Variants in DERA observed in about 807,000 individuals in gnomAD.
DERA encodes the protein 2-deoxy-D-ribose 5-phosphate aldolase.
A neutral mutation model predicts 41.1 loss-of-function variants in DERA; 15 were observed. The observed-to-expected ratio is 0.37, with a 90% CI of 0.24 to 0.56. The LOEUF (loss-of-function observed/expected upper bound fraction) is 0.56. Ranked by LOEUF, DERA falls within the 20% of genes least tolerant of loss-of-function variation. The probability of loss-of-function intolerance (pLI) is 0.81; values close to 1 mark genes in which losing one functional copy is unlikely to be tolerated. For synonymous variants in DERA, 139 were observed against 137.4 expected (o/e 1.01, Z -0.08); for missense variants, 396 against 403.4 (o/e 0.98, Z 0.16).
rs1371628000 is a variant in DERA, at chr12:16,003,320, G to C, written c.637+20884G>C. On this transcript the variant is annotated intron_variant, in intron 6 of 8. Transcript: ENST00000428559. This position sits in a 1 kb window ranked among gnomAD's most constrained non-coding sequence, Gnocchi z 4.8. ...CCGTACTCCATTGCGACCTCATATT[G>C]ACTAATTATATCTGCAAGCACCCAG... Among the ~76,000 whole-genome samples, 1 of 152,134 alleles carries C rather than the reference G, an allele frequency of 6.6e-6. No individual in the cohort carries two copies. The highest frequency in any genetic ancestry group is 1.5e-5 in the Non-Finnish European group (1 of 68,038).
rs572187578 is a variant in DERA, at chr12:15,988,905, C to T, written c.637+6469C>T. ...GCCCAAAGTCCAGAGGGGGCCAAGG[C>T]GGTGGGAGGCTGGCGTGTCAGCGCT... On this transcript the variant is annotated intron_variant, in intron 6 of 8. Coordinates refer to ENST00000428559, the MANE Select transcript of DERA (RefSeq NM_015954.4). This position sits in a 1 kb window ranked among gnomAD's most constrained non-coding sequence, Gnocchi z 6.0. 1.8e-4 allele frequency among the ~76,000 whole-genome samples: 27 copies of T among 152,342 alleles called. 1 individual carries two copies. The highest frequency in any genetic ancestry group is 6.8e-3 in the Middle Eastern group (2 of 294).
rs563174831 is a variant in DERA, at chr12:16,031,675, G to A, written c.638-867G>A. The stretch of plus-strand genomic sequence containing the variant: ...GAACCTAGGTAAGTTTATTGGAGAC[G>A]CTGTGATGTATTGTTTAGGCTAGAT... On this transcript the variant is annotated intron_variant, in intron 6 of 8. Coordinates refer to ENST00000428559, the MANE Select transcript of DERA (RefSeq NM_015954.4). 1.1e-4 allele frequency among the ~76,000 whole-genome samples: 17 copies of A among 152,232 alleles called. No individual in the cohort carries two copies. The East Asian group carries it at 1.2e-3, about 10-fold the overall frequency.
At chr12:15,956,423 T>C (rs1171038856) in intron 1 of DERA, among the ~76,000 whole-genome samples, 5 of 152,242 alleles carry the variant, frequency 3.3e-5, no homozygotes, top group South Asian at 4.1e-4. Flanking sequence ...AAAATTTTTC[T>C]TTGAAGAAAG....
chr12:15,960,647 A>AC (rs1487149186), intron 4 of DERA, among the ~76,000 whole-genome samples: 6 of 148,822 alleles, frequency 4.0e-5, no homozygotes, highest in Non-Finnish European at 7.4e-5. Flanking sequence ...AAAAAAAAAA[A>AC]AAAAAAAAAA....
chr12:16,024,594 A>T (rs1448963049), intron 6 of DERA, among the ~76,000 whole-genome samples: 3 of 152,182 alleles, frequency 2.0e-5, no homozygotes, highest in Non-Finnish European at 4.4e-5. Flanking sequence ...ACAAACAAAA[A>T]CTGAAGTAAT....
chr12:15,947,617 G>T (rs1310486061), intron 1 of DERA, among the ~76,000 whole-genome samples: 1 of 152,092 alleles, frequency 6.6e-6, no homozygotes, highest in East Asian at 1.9e-4. Context: ...CATGTGAGAT[G>T]GGTCTCCTGA....
rs1948953402 is a variant in DERA, at chr12:16,012,564, G to C, written c.638-19978G>C. On this transcript the variant is annotated intron_variant, in intron 6 of 8. Transcript: ENST00000428559. The surrounding 1 kb of genome is among the most constrained non-coding windows in gnomAD (Gnocchi z 4.1). ...TGAAATATTCAAATTTGGGAGCAGA[G>C]CCGAGTTGTTTAGACAAGAGAGAAT... is the stretch of plus-strand genomic sequence containing the variant. Among the ~76,000 whole-genome samples the C allele has an allele frequency of 6.6e-6, 1 of 152,180 alleles. No individual in the cohort carries two copies.
Position 15,990,110 on chromosome 12 carries a change from C to T in DERA, c.637+7674C>T, listed in dbSNP as rs924707872. On this transcript the variant is annotated intron_variant, in intron 6 of 8. Transcript: ENST00000428559. This position sits in a 1 kb window ranked among gnomAD's most constrained non-coding sequence, Gnocchi z 4.3. The stretch of plus-strand genomic sequence containing the variant: ...TAGTATACCTTCCTTCTCCATCCTA[C>T]GTCAATAAGAAAGGAAACATAATGA... 3.3e-5 allele frequency among the ~76,000 whole-genome samples: 5 copies of T among 152,098 alleles called. No homozygotes were observed. The highest frequency in any genetic ancestry group is 1.9e-4 in the East Asian group (1 of 5,194).
Position 16,026,196 on chromosome 12 carries a change from A to G in DERA, c.638-6346A>G, listed in dbSNP as rs967994002. 2.0e-5 allele frequency among the ~76,000 whole-genome samples: 3 copies of G among 152,064 alleles called. No homozygotes were observed. The highest frequency in any genetic ancestry group is 1.3e-4 in the Admixed American group (2 of 15,272). On this transcript the variant is annotated intron_variant, in intron 6 of 8. Coordinates refer to ENST00000428559, the MANE Select transcript of DERA (RefSeq NM_015954.4). The surrounding 1 kb of genome is among the most constrained non-coding windows in gnomAD (Gnocchi z 4.4). ...AATAGAAATGAGAACAGAAATGATG[A>G]AATTGAAAACAAAAACAACAGAGAA...
At chr12:15,932,620 A>G (rs529144938) in intron 1 of DERA, among the ~76,000 whole-genome samples, 2 of 152,082 alleles carry the variant, frequency 1.3e-5, no homozygotes, top group East Asian at 3.9e-4. Context: ...CTTCAGCCTG[A>G]GTAACAGTGA....
chr12:15,921,011 C>A lies in DERA; in HGVS notation c.31+9597C>A, dbSNP rs748720605. 2.6e-5 allele frequency among the ~76,000 whole-genome samples: 4 copies of A among 152,092 alleles called. No individual in the cohort carries two copies. Among genetic ancestry groups the A allele is most frequent in the African/African-American group, 9.7e-5 (4 of 41,412 alleles). On this transcript the variant is annotated intron_variant, in intron 1 of 8. Coordinates refer to ENST00000428559, the MANE Select transcript of DERA (RefSeq NM_015954.4). The surrounding 1 kb of genome is among the most constrained non-coding windows in gnomAD (Gnocchi z 5.3). ...TTCAGATTCAGAGAATCTTTAATTACGAGCTATTGTTTTTTTGATAAATCT... is the reference window on the plus strand; with the variant it reads ...TTCAGATTCAGAGAATCTTTAATTAAGAGCTATTGTTTTTTTGATAAATCT...
chr12:16,000,702 G>A lies in DERA; in HGVS notation c.637+18266G>A, dbSNP rs1268746993. On this transcript the variant is annotated intron_variant, in intron 6 of 8. Transcript: ENST00000428559. This position sits in a 1 kb window ranked among gnomAD's most constrained non-coding sequence, Gnocchi z 4.8. Reference sequence around the variant, plus strand: ...CACACAAAGCCAGCAAAGGCTGTTTGTAGAACGTTAGCTGCTATCACACTG... The same window carrying A: ...CACACAAAGCCAGCAAAGGCTGTTTATAGAACGTTAGCTGCTATCACACTG... 7.9e-5 allele frequency among the ~76,000 whole-genome samples: 12 copies of A among 152,220 alleles called. No individual in the cohort carries two copies. Among genetic ancestry groups the A allele is most frequent in the African/African-American group, 2.2e-4 (9 of 41,450 alleles).
Position 16,032,619 on chromosome 12 carries a change from G to A in DERA, c.715G>A (p.Ala239Thr). The change falls in exon 7 of 9, where the codon GCC becomes ACC. Residue 239 changes from alanine to threonine, a missense_variant. Ala to Thr is a moderately conservative substitution (Grantham distance 58). Transcript: ENST00000428559. ...TFPVAIVMLR[A>T]IRDFFWKTGN... ...CCCGGTAGCTATAGTAATGCTGCGG[G>A]CCATTAGAGATTTCTTCTGGAAAAC... is the stretch of plus-strand genomic sequence containing the variant. 6.4e-7 allele frequency: 1 copy of A among 1,566,050 alleles called. No homozygotes were observed. The highest frequency in any genetic ancestry group is 8.7e-7 in the Non-Finnish European group (1 of 1,153,976).
intron 1 of DERA, among the ~76,000 whole-genome samples, chr12:15,937,381 G>A (rs952997636): frequency 6.6e-6 from 1 of 152,192 alleles, no homozygotes; most frequent in South Asian, 2.1e-4. Context: ...CACAGAATGA[G>A]TGCCTGGCTA....
At chr12:15,971,367 G>C (rs1162278572) in intron 5 of DERA, among the ~76,000 whole-genome samples, 1 of 152,138 alleles carries the variant, frequency 6.6e-6, no homozygotes, top group East Asian at 1.9e-4. Flanking sequence ...AATTTCTGGA[G>C]GTGGAATAGC....
intron 6 of DERA, among the ~76,000 whole-genome samples, chr12:16,025,451 G>T (rs773286271): frequency 2.6e-5 from 4 of 151,912 alleles, no homozygotes; most frequent in Non-Finnish European, 5.9e-5. Context: ...CACTATCAGC[G>T]ATAAAAAAGG....
At chr12:15,979,888 G>C (rs1243409126) in intron 5 of DERA, among the ~76,000 whole-genome samples, 1 of 152,172 alleles carries the variant, frequency 6.6e-6, no homozygotes, top group African/African-American at 2.4e-5. Context: ...TCTAGAAAAA[G>C]GATGGTGTTT....
intron 5 of DERA, among the ~76,000 whole-genome samples, chr12:15,968,074 TTTC>T (rs780028254): frequency 5.7e-4 from 84 of 147,434 alleles, no homozygotes; most frequent in Non-Finnish European, 9.6e-4. Flanking sequence ...CTCAGGACTC[TTTC>T]TTCTTCTTCT....
intron 6 of DERA, among the ~76,000 whole-genome samples, chr12:16,024,628 G>A (rs989161362): frequency 1.3e-5 from 2 of 152,098 alleles, no homozygotes; most frequent in African/African-American, 4.8e-5. Context: ...AGCTTCCCAA[G>A]GCTTCAGAGA....
Sources: gnomAD v4.1 joint callset for allele counts (sites outside exome capture counted in the v4.1 genomes callset) on GRCh38, gnomAD v4.1.1 for gene constraint, Gnocchi (gnomAD v3.1) non-coding constraint, MANE v1.5 for transcripts, NCBI Gene and HGNC (gene_info 2026-07-23, HGNC 2026-07-21) for gene names.